The following CTNNA2 variants were observed in gnomAD, a reference collection of about 807,000 sequenced individuals.
The protein encoded by CTNNA2 is catenin alpha 2, also known as catenin alpha-2.
A neutral mutation model predicts 101.0 loss-of-function variants in CTNNA2; 42 were observed. The observed-to-expected ratio is 0.42, with a 90% CI of 0.32 to 0.54. The LOEUF (loss-of-function observed/expected upper bound fraction) is 0.54, where lower values mean the gene tolerates loss of function less well. Ranked by LOEUF, CTNNA2 falls within the 20% of genes least tolerant of loss-of-function variation. The pLI is 0.14. For synonymous variants in CTNNA2, 450 were observed against 456.4 expected (o/e 0.99, Z 0.18); for missense variants, 871 against 1,223.1 (o/e 0.71, Z 4.29).
chr2:79,473,497 G>A, intron 4 of CTNNA2, among the ~76,000 whole-genome samples: 1 of 151,734 alleles, frequency 6.6e-6, no homozygotes, highest in East Asian at 1.9e-4. Context: ...ATACAATCTT[G>A]AAGGCATAGA....
At chr2:80,038,125 A>G (rs1250918923) in intron 7 of CTNNA2, among the ~76,000 whole-genome samples, 1 of 152,166 alleles carries the variant, frequency 6.6e-6, no homozygotes, top group Non-Finnish European at 1.5e-5. Context: ...TTTGCACTCC[A>G]GTACGATCTG....
chr2:80,510,221 A>G (rs1349163509), intron 9 of CTNNA2, among the ~76,000 whole-genome samples: 5 of 152,126 alleles, frequency 3.3e-5, no homozygotes, highest in Admixed American at 3.3e-4. Flanking sequence ...TTTATCACCA[A>G]ACCAACCCCA....
chr2:79,957,553 C>T (rs902325697), intron 7 of CTNNA2, among the ~76,000 whole-genome samples: 2 of 152,184 alleles, frequency 1.3e-5, no homozygotes, highest in Admixed American at 6.5e-5. Flanking sequence ...TTAGTTCTTT[C>T]CCATACCTCT....
chr2:80,261,634 A>C (rs141316629), intron 7 of CTNNA2, among the ~76,000 whole-genome samples: 1 of 152,294 alleles, frequency 6.6e-6, no homozygotes, highest in Non-Finnish European at 1.5e-5. Context: ...GTAATAATTG[A>C]ATACCCAATT....
chr2:79,892,997 C>G (rs1310835529), intron 6 of CTNNA2, among the ~76,000 whole-genome samples: 1 of 152,146 alleles, frequency 6.6e-6, no homozygotes, highest in East Asian at 1.9e-4. Flanking sequence ...GATTGTTAGA[C>G]TTTACCACAT....
chr2:80,420,226 C>T (rs1390618266), intron 9 of CTNNA2, among the ~76,000 whole-genome samples: 1 of 151,704 alleles, frequency 6.6e-6, no homozygotes, highest in South Asian at 2.1e-4. Context: ...AAATATTGTA[C>T]AAAGTAAATG....
At chr2:79,626,454 CA>C (rs1679309840) in intron 1 of CTNNA2, among the ~76,000 whole-genome samples, 1 of 152,148 alleles carries the variant, frequency 6.6e-6, no homozygotes, top group East Asian at 1.9e-4. Context: ...CCGTTCCGTT[CA>C]CCAAACTCTG....
At chr2:79,762,126 A>G (rs111508761) in intron 3 of CTNNA2, among the ~76,000 whole-genome samples, 203 of 152,310 alleles carry the variant, frequency 1.3e-3, no homozygotes, top group African/African-American at 4.0e-3. Flanking sequence ...CTAGGAAACA[A>G]AATCTTCAAA....
At chr2:79,263,526 C>G (rs528131431) in intron 2 of CTNNA2, among the ~76,000 whole-genome samples, 57 of 152,260 alleles carry the variant, frequency 3.7e-4, no homozygotes, top group African/African-American at 1.2e-3. Context: ...CCAAAATAAA[C>G]CTCTTTTCTT....
intron 2 of CTNNA2, among the ~76,000 whole-genome samples, chr2:79,227,958 T>G (rs777266391): frequency 6.6e-6 from 1 of 152,190 alleles, no homozygotes; most frequent in Admixed American, 6.5e-5. Context: ...TACAATCACG[T>G]ACATTCAATG....
At chr2:80,338,581 A>G (rs1413052339) in intron 7 of CTNNA2, among the ~76,000 whole-genome samples, 2 of 152,180 alleles carry the variant, frequency 1.3e-5, no homozygotes, top group Non-Finnish European at 2.9e-5. Flanking sequence ...CTGCATTTAA[A>G]AAGCATGCAT....
chr2:80,620,262 T>C (rs1018041415), intron 18 of CTNNA2, among the ~76,000 whole-genome samples: 1 of 151,712 alleles, frequency 6.6e-6, no homozygotes, highest in African/African-American at 2.4e-5. Flanking sequence ...CTTTTTTTTT[T>C]CCTAAATATA....
At chr2:79,330,716 C>T (rs577667704) in intron 3 of CTNNA2, among the ~76,000 whole-genome samples, 1 of 152,236 alleles carries the variant, frequency 6.6e-6, no homozygotes, top group Admixed American at 6.5e-5. Context: ...ATCTGATGGT[C>T]TTATAAAGGG....
At chr2:79,343,373 A>G (rs1008545734) in intron 3 of CTNNA2, among the ~76,000 whole-genome samples, 1 of 152,180 alleles carries the variant, frequency 6.6e-6, no homozygotes. Flanking sequence ...TTCAGGTGTA[A>G]AAAGTATCCA....
intron 2 of CTNNA2, among the ~76,000 whole-genome samples, chr2:79,274,384 T>A (rs1675159711): frequency 6.6e-6 from 1 of 152,088 alleles, no homozygotes; most frequent in Admixed American, 6.6e-5. Context: ...TCTTATATTT[T>A]GTCTCTAAAA....
At position 79,788,520 on chromosome 2, in the gene CTNNA2, G is replaced by A. The variant is rs149903543; in HGVS notation, c.298+43938G>A. ...AGAATCAGAGGTTGGCAGTCATGTTGCAGAAAACATACTGCACTCAGATTT... is the reference window on the plus strand; with the variant it reads ...AGAATCAGAGGTTGGCAGTCATGTTACAGAAAACATACTGCACTCAGATTT... On this transcript the variant is annotated intron_variant, in intron 3 of 18. Coordinates refer to ENST00000402739, the MANE Select transcript of CTNNA2 (RefSeq NM_001282597.3). 8.5e-4 allele frequency among the ~76,000 whole-genome samples: 129 copies of A among 152,276 alleles called. 1 individual carries two copies. Among genetic ancestry groups the A allele is most frequent in the African/African-American group, 2.0e-3 (82 of 41,564 alleles).
chr2:79,374,618 A>G (rs1039585573), intron 4 of CTNNA2, among the ~76,000 whole-genome samples: 2 of 152,090 alleles, frequency 1.3e-5, no homozygotes, highest in Non-Finnish European at 2.9e-5. Flanking sequence ...TAGATGATGT[A>G]TATTTTTTAT....
chr2:80,038,891 CTG>C (rs764417498), intron 7 of CTNNA2, among the ~76,000 whole-genome samples: 6 of 152,216 alleles, frequency 3.9e-5, no homozygotes, highest in Middle Eastern at 3.4e-3. Context: ...AATGTGAATT[CTG>C]TATCACTTTA....
chr2:80,521,129 T>C (rs1689514479), intron 9 of CTNNA2, among the ~76,000 whole-genome samples: 1 of 152,174 alleles, frequency 6.6e-6, no homozygotes, highest in East Asian at 1.9e-4. Context: ...GCCGCGTCCC[T>C]GTGTAGTGAG....
Sources: gnomAD v4.1 joint callset for allele counts (sites outside exome capture counted in the v4.1 genomes callset) on GRCh38, gnomAD v4.1.1 for gene constraint, MANE v1.5 for transcripts, NCBI Gene and HGNC (gene_info 2026-07-23, HGNC 2026-07-21) for gene names.